ARID4B: variants seen among roughly 807,000 people sequenced by gnomAD.
ARID4B encodes the protein AT-rich interaction domain 4B.
ARID4B carries 26 observed loss-of-function variants against 147.5 expected under a neutral mutation model. The observed-to-expected ratio is 0.18, with a 90% CI of 0.13 to 0.24. The LOEUF (loss-of-function observed/expected upper bound fraction) is 0.24. Ranked by LOEUF, ARID4B falls within the 10% of genes least tolerant of loss-of-function variation. ARID4B has a pLI of 1.00. For missense variants in ARID4B, 1,179 were observed against 1,511.5 expected, an observed-to-expected ratio of 0.78 and a Z score of 3.65; for synonymous variants, 512 against 507.9, an observed-to-expected ratio of 1.01 and a Z score of -0.11.
chr1:235,180,982 G>T (rs1272233247), intron 20 of ARID4B: 3 of 369,992 alleles, frequency 8.1e-6, no homozygotes, highest in Non-Finnish European at 1.1e-5. Flanking sequence ...AATCAAAAAA[G>T]TATTACTGTA....
intron 2 of ARID4B, among the ~76,000 whole-genome samples, chr1:235,277,636 G>A (rs1448120585): frequency 3.9e-4 from 34 of 86,406 alleles, no homozygotes; most frequent in African/African-American, 1.4e-3. Context: ...GTGTGTGTGT[G>A]TGTGTTTCAT....
In ARID4B at chr1:235,214,008, T is replaced by G; in HGVS notation, c.1602A>C (p.Glu534Asp). ...CTGCTTCTTCATCATCTTCATCTTC[T>G]TCTTTATTCGTTTCATCTCTTGAAA... Reference protein sequence around the residue: ...KAKSGDETNKEEDEDDEEAEE... With the variant: ...KAKSGDETNKDEDEDDEEAEE... Residue 534 changes from glutamate (E) to aspartate (D), a missense_variant, in exon 17 of 24, where the codon GAA becomes GAC. By Grantham distance (45) the Glu-to-Asp change is conservative (BLOSUM62 2). Coordinates refer to ENST00000264183, the MANE Select transcript of ARID4B (RefSeq NM_016374.6). 1 of 1,595,870 alleles carries G rather than the reference T, an allele frequency of 6.3e-7. No individual in the cohort carries two copies. The highest frequency in any genetic ancestry group is 1.3e-5 in the African/African-American group (1 of 74,514).
chr1:235,183,451 G>A (rs182571439), intron 19 of ARID4B, among the ~76,000 whole-genome samples: 24 of 152,122 alleles, frequency 1.6e-4, no homozygotes, highest in South Asian at 8.3e-4. Context: ...CTCGTGACCC[G>A]CCCTCCTCGG....
chr1:235,187,184 T>C (rs11487709), intron 19 of ARID4B: 6,260 of 264,098 alleles, frequency 0.024, 460 homozygotes, highest in African/African-American at 0.14. Context: ...TGGGTTCAAG[T>C]GATTCTCCTG....
At chr1:235,176,792 C>T (rs1386947627) in intron 21 of ARID4B, 5 of 466,588 alleles carry the variant, frequency 1.1e-5, no homozygotes, top group Non-Finnish European at 1.8e-5. Flanking sequence ...GGGAGCTGGC[C>T]GAATAACCCT....
chr1:235,241,585 C>A (rs1461972756), intron 7 of ARID4B, among the ~76,000 whole-genome samples: 1 of 152,162 alleles, frequency 6.6e-6, no homozygotes, highest in Non-Finnish European at 1.5e-5. Context: ...GTGGCACCAC[C>A]TTGGCTCACT....
chr1:235,209,421 A>G (rs971346503), intron 17 of ARID4B, among the ~76,000 whole-genome samples: 17 of 152,196 alleles, frequency 1.1e-4, no homozygotes, highest in Admixed American at 1.0e-3. Flanking sequence ...CAGTGAGATG[A>G]TATCACGGCG....
At chr1:235,186,887 G>T (rs1244766134) in intron 19 of ARID4B, among the ~76,000 whole-genome samples, 1 of 151,324 alleles carries the variant, frequency 6.6e-6, no homozygotes, top group Non-Finnish European at 1.5e-5. Flanking sequence ...TTAGAGACAC[G>T]GTTTTACCAT....
Position 235,181,766 on chromosome 1 carries a change from C to G in ARID4B, c.3153G>C (p.Leu1051=). The part of the protein sequence containing the change: ...QQSSVTVSEP[L]APNQEEVRSI... ...TTCGAACCTCTTCTTGGTTTGGAGC[C>G]AGTGGTTCTGATACTGTTACAGAAG... Residue 1051 remains leucine, a synonymous_variant, in exon 20 of 24, where the codon CTG becomes CTC. Coordinates refer to ENST00000264183, the MANE Select transcript of ARID4B (RefSeq NM_016374.6). 1 of 1,614,178 alleles carries G rather than the reference C, an allele frequency of 6.2e-7. No individual in the cohort carries two copies. The highest frequency in any genetic ancestry group is 8.5e-7 in the Non-Finnish European group (1 of 1,180,038).
intron 2 of ARID4B, among the ~76,000 whole-genome samples, chr1:235,280,342 C>G (rs1039398054): frequency 1.3e-5 from 2 of 152,178 alleles, no homozygotes; most frequent in African/African-American, 2.4e-5. Context: ...CACTGACAAT[C>G]CAAGGGAAAT....
In ARID4B at chr1:235,177,795, C is replaced by T; in HGVS notation, c.3448+5G>A. On this transcript the variant is annotated splice_donor_5th_base_variant and intron_variant, in intron 21 of 23. Coordinates refer to ENST00000264183, the MANE Select transcript of ARID4B (RefSeq NM_016374.6). ...TATTTTAAAAATTAGAGATTTCACA[C>T]TTACTGCCTTTTCCCTTCTTTTTGT... is the stretch of plus-strand genomic sequence containing the variant. 6.3e-7 allele frequency: 1 copy of T among 1,581,642 alleles called. No individual in the cohort carries two copies. The highest frequency in any genetic ancestry group is 8.6e-7 in the Non-Finnish European group (1 of 1,159,716).
At chr1:235,312,447 G>T (rs1674119910) in intron 2 of ARID4B, among the ~76,000 whole-genome samples, 1 of 152,200 alleles carries the variant, frequency 6.6e-6, no homozygotes, top group Non-Finnish European at 1.5e-5. Flanking sequence ...TTACCAGGAA[G>T]TAAGACTTCT....
rs1363062650 is a variant in ARID4B, at chr1:235,263,909, GCGTGAAC to G, written c.7-3164_7-3158del. On this transcript the variant is annotated intron_variant, in intron 2 of 23. Transcript: ENST00000264183. Reference sequence around the variant, plus strand: ...CTCAGGAGGCTGAGGCAGGAGAATGGCGTGAACCTGGGAGGCGGGGCTTGCAGTGAGC... The same window carrying G: ...CTCAGGAGGCTGAGGCAGGAGAATGGCTGGGAGGCGGGGCTTGCAGTGAGC... Among the ~76,000 whole-genome samples, 5 of 152,132 alleles carry G rather than the reference GCGTGAAC, an allele frequency of 3.3e-5. No individual in the cohort carries two copies. In the South Asian group the frequency reaches 1.0e-3, roughly 32 times the overall value.
chr1:235,213,641 T>A, intron 17 of ARID4B, 128 bp downstream of exon 17: 2 of 1,039,302 alleles, frequency 1.9e-6, no homozygotes, highest in Non-Finnish European at 2.7e-6. Flanking sequence ...CTAAAAACTA[T>A]TTTTTATAAG....
chr1:235,241,063 A>G (rs1245556422), intron 7 of ARID4B, among the ~76,000 whole-genome samples: 1 of 152,224 alleles, frequency 6.6e-6, no homozygotes, highest in Non-Finnish European at 1.5e-5. Context: ...ATATTGGACT[A>G]GTAAATTAGA....
In ARID4B at chr1:235,181,707, A is replaced by G; in HGVS notation, c.3212T>C (p.Val1071Ala). The change falls in exon 20 of 24, where the codon GTG becomes GCG. Residue 1071 changes from valine (V) to alanine (A), a missense_variant. This residue lies in a region of ARID4B where 357 missense variants were observed against 427.3 expected (regional missense o/e 0.84). Coordinates refer to ENST00000264183, the MANE Select transcript of ARID4B (RefSeq NM_016374.6). ...IKSETDSTIE[V>A]DSVAGELQDL... Reference sequence around the variant, plus strand: ...TTGGAGCTCCCCAGCAACACTATCCACCTCAATTGTGCTATCAGTTTCACT... The same window carrying G: ...TTGGAGCTCCCCAGCAACACTATCCGCCTCAATTGTGCTATCAGTTTCACT... 2 of 1,613,840 alleles carry G rather than the reference A, an allele frequency of 1.2e-6. No individual in the cohort carries two copies. The highest frequency in any genetic ancestry group is 2.2e-5 in the South Asian group (2 of 91,064).
Position 235,234,404 on chromosome 1 carries a change from T to C in ARID4B, c.665+9A>G, listed in dbSNP as rs764843911. 4.5e-6 allele frequency: 7 copies of C among 1,566,360 alleles called. No individual in the cohort carries two copies. The highest frequency in any genetic ancestry group is 1.8e-4 in the Middle Eastern group (1 of 5,640). ...AACTGGTTTTTCAAACCAAGTAAAT[T>C]ATACTTACAATTTTCCATCTTTGAA... On this transcript the variant is annotated intron_variant, in intron 9 of 23. Coordinates refer to ENST00000264183, the MANE Select transcript of ARID4B (RefSeq NM_016374.6).
At chr1:235,173,222 C>A (rs1663495738) in intron 22 of ARID4B, among the ~76,000 whole-genome samples, 1 of 151,998 alleles carries the variant, frequency 6.6e-6, no homozygotes, top group Admixed American at 6.5e-5. Flanking sequence ...CGGGTGCCTG[C>A]AATCCCAGCT....
In ARID4B at chr1:235,226,527, A is replaced by AT. The variant is rs1275162543; in HGVS notation, c.898-1753dup. 2.0e-3 allele frequency among the ~76,000 whole-genome samples: 268 copies of AT among 131,242 alleles called. 1 individual carries two copies. The highest frequency in any genetic ancestry group is 6.1e-3 in the African/African-American group (211 of 34,638). 86.1% of individuals were successfully genotyped at this position (131,242 alleles called of 152,430 possible). On this transcript the variant is annotated intron_variant, in intron 11 of 23. Transcript: ENST00000264183. Reference sequence around the variant, plus strand: ...AGGCACCTGCCACCACGCCCAGCTAATTTTTTTTTTTTTAGATGGAGTCTG... The same window carrying AT: ...AGGCACCTGCCACCACGCCCAGCTAATTTTTTTTTTTTTTAGATGGAGTCTG...
Sources: allele counts gnomAD v4.1 joint callset (sites outside exome capture counted in the v4.1 genomes callset), GRCh38; gene constraint gnomAD v4.1.1; regional missense constraint gnomAD v4.1.1; transcripts MANE v1.5; gene names NCBI Gene and HGNC (gene_info 2026-07-23, HGNC 2026-07-21).